LDB2: variants seen among roughly 807,000 people sequenced by gnomAD.
The protein encoded by LDB2 is LIM domain binding 2.
LDB2 carries 12 observed loss-of-function variants against 44.3 expected under a neutral mutation model. That is an observed-to-expected ratio of 0.27 (90% CI 0.17 to 0.44). LDB2 has a LOEUF of 0.44. Ranked by LOEUF, LDB2 falls within the 20% of genes least tolerant of loss-of-function variation. The probability of loss-of-function intolerance (pLI) is 1.00; values close to 1 mark genes in which losing one functional copy is unlikely to be tolerated. For missense variants in LDB2, 344 were observed against 473.5 expected (o/e 0.73, Z 2.54); for synonymous variants, 164 against 174.8 (o/e 0.94, Z 0.49).
chr4:16,595,311 A>G (rs1439970790), intron 3 of LDB2, among the ~76,000 whole-genome samples: 2 of 152,172 alleles, frequency 1.3e-5, no homozygotes, highest in African/African-American at 4.8e-5. Context: ...ATTTGAATCC[A>G]GCTCTAAAAA....
intron 1 of LDB2, among the ~76,000 whole-genome samples, chr4:16,860,976 T>C (rs1188787198): frequency 1.3e-5 from 2 of 152,126 alleles, no homozygotes; most frequent in Non-Finnish European, 2.9e-5. Flanking sequence ...GACACAAGGA[T>C]TCTGTAGCTT....
At chr4:16,814,407 A>G (rs1780526117) in intron 1 of LDB2, among the ~76,000 whole-genome samples, 1 of 152,184 alleles carries the variant, frequency 6.6e-6, no homozygotes, top group Non-Finnish European at 1.5e-5. Context: ...TCAGAAGAAA[A>G]AAATGGTTTC....
At chr4:16,646,911 T>C (rs566164096) in intron 2 of LDB2, among the ~76,000 whole-genome samples, 4 of 152,314 alleles carry the variant, frequency 2.6e-5, no homozygotes, top group Admixed American at 2.6e-4. Context: ...CCTCAAAATG[T>C]TGAACACACA....
chr4:16,798,897 C>A (rs1395642542), intron 1 of LDB2, among the ~76,000 whole-genome samples: 1 of 152,154 alleles, frequency 6.6e-6, no homozygotes, highest in Non-Finnish European at 1.5e-5. Flanking sequence ...GTTGCCCAGG[C>A]TGGAGTGCAG....
intron 1 of LDB2, among the ~76,000 whole-genome samples, chr4:16,773,833 C>T (rs760476650): frequency 1.3e-4 from 19 of 151,738 alleles, no homozygotes; most frequent in Admixed American, 4.6e-4. Context: ...CTCCTGGACG[C>T]GAGGGATTCT....
At chr4:16,592,139 G>A (rs896941390) in intron 3 of LDB2, among the ~76,000 whole-genome samples, 5 of 152,136 alleles carry the variant, frequency 3.3e-5, no homozygotes, top group East Asian at 3.9e-4. Flanking sequence ...AGCCGATCAC[G>A]TGCTAGCTTG....
intron 2 of LDB2, among the ~76,000 whole-genome samples, chr4:16,702,041 T>C (rs1033495958): frequency 6.6e-6 from 1 of 152,176 alleles, no homozygotes; most frequent in African/African-American, 2.4e-5. Flanking sequence ...AGCACAATGT[T>C]CTTGTCTTAA....
intron 2 of LDB2, among the ~76,000 whole-genome samples, chr4:16,636,372 CT>C (rs1169498574): frequency 1.3e-5 from 2 of 152,222 alleles, no homozygotes; most frequent in African/African-American, 2.4e-5. Context: ...TCCCAAATTA[CT>C]AGACCAAAGA....
chr4:16,607,571 A>G (rs1724281889), intron 2 of LDB2, among the ~76,000 whole-genome samples: 1 of 152,242 alleles, frequency 6.6e-6, no homozygotes. Flanking sequence ...TTCAGTGGGC[A>G]GTTGCAAATA....
chr4:16,625,256 T>C (rs1459520402), intron 2 of LDB2, among the ~76,000 whole-genome samples: 1 of 152,162 alleles, frequency 6.6e-6, no homozygotes, highest in African/African-American at 2.4e-5. Context: ...TCCCTTGCTT[T>C]TGAGTTTTAG....
intron 1 of LDB2, among the ~76,000 whole-genome samples, chr4:16,790,080 C>T (rs1775378976): frequency 6.6e-6 from 1 of 152,196 alleles, no homozygotes; most frequent in African/African-American, 2.4e-5. Context: ...CCTGTATACC[C>T]TTTTGAAAGG....
intron 1 of LDB2, among the ~76,000 whole-genome samples, chr4:16,761,017 T>G (rs1227140641): frequency 6.6e-6 from 1 of 152,046 alleles, no homozygotes; most frequent in Non-Finnish European, 1.5e-5. Context: ...GGTTTTTTTT[T>G]TTTCTCTTCA....
At chr4:16,525,705 CA>C (rs1346608794) in intron 5 of LDB2, among the ~76,000 whole-genome samples, 1 of 150,652 alleles carries the variant, frequency 6.6e-6, no homozygotes, top group African/African-American at 2.4e-5. Flanking sequence ...ATGAAGGAGT[CA>C]GATAATAAAT....
At chr4:16,644,190 T>A (rs1395907147) in intron 2 of LDB2, among the ~76,000 whole-genome samples, 3 of 152,168 alleles carry the variant, frequency 2.0e-5, no homozygotes, top group Non-Finnish European at 4.4e-5. Flanking sequence ...TGTGTGAGAT[T>A]TATTGCTGCC....
At chr4:16,578,155 CAA>C (rs1436342325) in intron 5 of LDB2, among the ~76,000 whole-genome samples, 1 of 152,080 alleles carries the variant, frequency 6.6e-6, no homozygotes, top group Non-Finnish European at 1.5e-5. Context: ...TTGGACTGAG[CAA>C]AGACTTCTTG....
rs190734246 is a variant in LDB2 at position 16,825,885 on chromosome 4, T to G, written c.133-66625A>C. ...TTTCTCTAGGAAGCCTTAATACAAT[T>G]AAAGCACCAAAATATAGTTTATTTA... is the stretch of plus-strand genomic sequence containing the variant. On this transcript the variant is annotated intron_variant, in intron 1 of 7. Coordinates refer to ENST00000304523, the MANE Select transcript of LDB2 (RefSeq NM_001290.5). 8.5e-5 allele frequency among the ~76,000 whole-genome samples: 13 copies of G among 152,238 alleles called. No individual in the cohort carries two copies. In the East Asian group the frequency reaches 2.3e-3, roughly 27 times the overall value.
At chr4:16,727,186 A>G (rs929296662) in intron 2 of LDB2, among the ~76,000 whole-genome samples, 2 of 152,228 alleles carry the variant, frequency 1.3e-5, no homozygotes, top group Non-Finnish European at 2.9e-5. Context: ...CTGATTCATC[A>G]ACTCAAAGAG....
At chr4:16,632,344 C>T (rs550019973) in intron 2 of LDB2, among the ~76,000 whole-genome samples, 2 of 152,244 alleles carry the variant, frequency 1.3e-5, no homozygotes, top group South Asian at 4.1e-4. Flanking sequence ...ACGATTATCT[C>T]AATAGATGCA....
intron 2 of LDB2, among the ~76,000 whole-genome samples, chr4:16,661,367 C>T (rs1477473123): frequency 1.3e-5 from 2 of 152,156 alleles, no homozygotes; most frequent in Admixed American, 1.3e-4. Flanking sequence ...GGAAACTTTA[C>T]AGAAGTACAG....
Sources: allele counts gnomAD v4.1 joint callset (sites outside exome capture counted in the v4.1 genomes callset), GRCh38; gene constraint gnomAD v4.1.1; transcripts MANE v1.5; gene names NCBI Gene and HGNC (gene_info 2026-07-23, HGNC 2026-07-21).